Variants in RSU1 observed in about 807,000 individuals in gnomAD.
RSU1 encodes Ras suppressor protein 1, also known as rsu-1.
Under a neutral mutation model 31.1 loss-of-function variants are expected in RSU1, and 26 were observed. The observed-to-expected ratio is 0.84, with a 90% CI of 0.61 to 1.16. The LOEUF is 1.16. Ranked by LOEUF, RSU1 falls within the 50% of genes most tolerant of loss-of-function variation. The pLI is 0.00. For missense variants in RSU1, 320 were observed against 339.1 expected (o/e 0.94, Z 0.44); for synonymous variants, 164 against 136.3 (o/e 1.20, Z -1.41).
At chr10:16,732,783 G>A (rs1836540933) in intron 7 of RSU1, among the ~76,000 whole-genome samples, 1 of 152,192 alleles carries the variant, frequency 6.6e-6, no homozygotes, top group African/African-American at 2.4e-5. Context: ...AGCTCTGTTA[G>A]AAACAGAACT....
intron 2 of RSU1, among the ~76,000 whole-genome samples, chr10:16,804,035 A>C (rs988740161): frequency 3.3e-5 from 5 of 152,194 alleles, no homozygotes; most frequent in African/African-American, 9.7e-5. Context: ...AGGGAATGAA[A>C]GACCAGCGCC....
At chr10:16,664,652 C>T (rs1239556491) in intron 8 of RSU1, among the ~76,000 whole-genome samples, 1 of 152,158 alleles carries the variant, frequency 6.6e-6, no homozygotes, top group Non-Finnish European at 1.5e-5. Context: ...TTTACCTACG[C>T]AAAGAGAGGT....
chr10:16,598,902 G>C (rs1833666711), intron 8 of RSU1, among the ~76,000 whole-genome samples: 2 of 152,188 alleles, frequency 1.3e-5, no homozygotes, highest in East Asian at 3.8e-4. Context: ...TTTCAATAGG[G>C]AAAATGAGTT....
intron 4 of RSU1, among the ~76,000 whole-genome samples, chr10:16,756,204 T>C (rs191287298): frequency 0.021 from 3,170 of 152,170 alleles, 123 homozygotes; most frequent in African/African-American, 0.072. Context: ...TGGAGAGGTG[T>C]GGTTTAATGG....
At chr10:16,739,549 C>A (rs914156764) in intron 7 of RSU1, among the ~76,000 whole-genome samples, 2 of 144,586 alleles carry the variant, frequency 1.4e-5, no homozygotes, top group African/African-American at 5.2e-5. Context: ...CGGCTCACTG[C>A]AAGCTCCGGC....
intron 8 of RSU1, among the ~76,000 whole-genome samples, chr10:16,593,912 C>A (rs1013718061): frequency 6.6e-6 from 1 of 152,204 alleles, no homozygotes; most frequent in Non-Finnish European, 1.5e-5. Flanking sequence ...GGACAGAGAG[C>A]AATGGTGTCC....
intron 7 of RSU1, among the ~76,000 whole-genome samples, chr10:16,729,092 T>C (rs1836453041): frequency 6.6e-6 from 1 of 152,260 alleles, no homozygotes; most frequent in African/African-American, 2.4e-5. Context: ...ATTAGCACTT[T>C]CAGCTACTCT....
intron 8 of RSU1, among the ~76,000 whole-genome samples, chr10:16,680,247 C>T (rs747913114): frequency 7.9e-5 from 12 of 151,798 alleles, no homozygotes; most frequent in Admixed American, 2.6e-4. Flanking sequence ...AAAACAGTGC[C>T]GAGAATACAG....
At chr10:16,651,567 T>C (rs1271123028) in intron 8 of RSU1, among the ~76,000 whole-genome samples, 1 of 152,238 alleles carries the variant, frequency 6.6e-6, no homozygotes, top group Non-Finnish European at 1.5e-5. Flanking sequence ...ATAGTGACAG[T>C]TTCTTTTGCT....
chr10:16,779,668 T>G (rs558469512), intron 3 of RSU1, among the ~76,000 whole-genome samples: 2 of 152,306 alleles, frequency 1.3e-5, no homozygotes, highest in South Asian at 4.2e-4. Context: ...GGTTTTAATG[T>G]GGCGTTGTCA....
At chr10:16,730,593 T>C (rs530506065) in intron 7 of RSU1, among the ~76,000 whole-genome samples, 7 of 152,300 alleles carry the variant, frequency 4.6e-5, no homozygotes, top group Admixed American at 2.6e-4. Flanking sequence ...AATTGTAAGA[T>C]GGTTTTGTTT....
At chr10:16,804,998 C>T (rs1490836088) in intron 2 of RSU1, among the ~76,000 whole-genome samples, 4 of 152,024 alleles carry the variant, frequency 2.6e-5, no homozygotes, top group Non-Finnish European at 5.9e-5. Flanking sequence ...AATAATGCAT[C>T]AACAGCCTGG....
intron 2 of RSU1, among the ~76,000 whole-genome samples, chr10:16,814,523 C>G (rs999986571): frequency 6.6e-6 from 1 of 150,508 alleles, no homozygotes; most frequent in African/African-American, 2.4e-5. Flanking sequence ...TATTTTAATA[C>G]TTGTATATAT....
At chr10:16,734,174 C>T (rs1353479606) in intron 7 of RSU1, among the ~76,000 whole-genome samples, 1 of 152,218 alleles carries the variant, frequency 6.6e-6, no homozygotes, top group Non-Finnish European at 1.5e-5. Context: ...AGCACATCAC[C>T]TTTTAAATGC....
Position 16,732,175 on chromosome 10 carries a change from A to G in RSU1, c.598+20364T>C, listed in dbSNP as rs1205681707. Among the ~76,000 whole-genome samples the G allele has an allele frequency of 5.9e-5, 9 of 152,324 alleles. No homozygotes were observed. In the East Asian group the frequency reaches 1.7e-3, roughly 29 times the overall value. On this transcript the variant is annotated intron_variant, in intron 7 of 8. Coordinates refer to ENST00000345264, the MANE Select transcript of RSU1 (RefSeq NM_012425.4). ...CACAAAGGGACAGAGACCATAGCCT[A>G]ACAACAGTTTAAATTTATATTCAAG... is the stretch of plus-strand genomic sequence containing the variant.
At chr10:16,595,093 T>C (rs1833588768) in intron 8 of RSU1, among the ~76,000 whole-genome samples, 1 of 152,060 alleles carries the variant, frequency 6.6e-6, no homozygotes. Context: ...AAAAAAATTA[T>C]TTTAATAGAC....
At chr10:16,672,936 T>C (rs1253367068) in intron 8 of RSU1, among the ~76,000 whole-genome samples, 2 of 152,300 alleles carry the variant, frequency 1.3e-5, no homozygotes, top group East Asian at 1.9e-4. Flanking sequence ...TCTGGCCCAA[T>C]GTCACAAAGC....
intron 2 of RSU1, among the ~76,000 whole-genome samples, chr10:16,807,696 A>G (rs1838302633): frequency 2.0e-5 from 3 of 152,128 alleles, no homozygotes; most frequent in Non-Finnish European, 4.4e-5. Context: ...GGCTAGCCCA[A>G]TAACACTATT....
intron 8 of RSU1, among the ~76,000 whole-genome samples, chr10:16,616,518 G>A (rs911902926): frequency 1.3e-5 from 2 of 152,034 alleles, no homozygotes; most frequent in African/African-American, 4.8e-5. Flanking sequence ...ATTTTATGAG[G>A]CCAGCATCAT....
Sources: gnomAD v4.1 joint callset for allele counts (sites outside exome capture counted in the v4.1 genomes callset) on GRCh38, gnomAD v4.1.1 for gene constraint, MANE v1.5 for transcripts, NCBI Gene and HGNC (gene_info 2026-07-23, HGNC 2026-07-21) for gene names.